Variants in TANC2 observed in about 807,000 individuals in gnomAD.
TANC2 encodes the protein protein TANC2.
TANC2 carries 26 observed loss-of-function variants against 210.5 expected under a neutral mutation model. That is an observed-to-expected ratio of 0.12 (90% CI 0.09 to 0.17). The LOEUF (loss-of-function observed/expected upper bound fraction) is 0.17, where lower values mean the gene tolerates loss of function less well. Among genes scored for constraint, TANC2 ranks in the 10% least tolerant of loss-of-function variants. The probability of loss-of-function intolerance (pLI) is 1.00; values close to 1 mark genes in which losing one functional copy is unlikely to be tolerated. For synonymous variants in TANC2, 931 were observed against 967.1 expected (o/e 0.96, Z 0.69); for missense variants, 2,129 against 2,608.9 (o/e 0.82, Z 4.01).
At chr17:63,236,416 G>T (rs2042621689) in intron 7 of TANC2, among the ~76,000 whole-genome samples, 1 of 152,030 alleles carries the variant, frequency 6.6e-6, no homozygotes. Context: ...TAAAAATAAT[G>T]TTACTAAATA....
At chr17:63,344,755 C>G (rs1271132078) in intron 12 of TANC2, among the ~76,000 whole-genome samples, 2 of 152,186 alleles carry the variant, frequency 1.3e-5, no homozygotes, top group African/African-American at 4.8e-5. Flanking sequence ...GCTACAAATT[C>G]TTTGACATTA....
At chr17:63,000,761 A>T (rs970058818) in intron 1 of TANC2, among the ~76,000 whole-genome samples, 3 of 152,124 alleles carry the variant, frequency 2.0e-5, no homozygotes, top group Middle Eastern at 3.2e-3. Context: ...TAAAATTTAG[A>T]TTTACATTAG....
intron 7 of TANC2, among the ~76,000 whole-genome samples, chr17:63,222,738 CACACACACACAT>C (rs1267973007): frequency 6.6e-6 from 1 of 152,002 alleles, no homozygotes; most frequent in Non-Finnish European, 1.5e-5. Context: ...CACACACACA[CACACACACACAT>C]ACACACTAGC....
At chr17:63,054,647 C>T (rs1034122103) in intron 2 of TANC2, among the ~76,000 whole-genome samples, 2 of 151,806 alleles carry the variant, frequency 1.3e-5, no homozygotes, top group African/African-American at 2.4e-5. Flanking sequence ...TCCCAAAGTG[C>T]TGGGATTACA....
At chr17:62,969,711 G>GTA (rs772853229) in intron 1 of TANC2, among the ~76,000 whole-genome samples, 6 of 136,964 alleles carry the variant, frequency 4.4e-5, no homozygotes, top group African/African-American at 1.7e-4. Flanking sequence ...GTGTGTGTGT[G>GTA]TATATAAATA....
intron 5 of TANC2, among the ~76,000 whole-genome samples, chr17:63,183,996 G>A (rs1483030762): frequency 6.6e-6 from 1 of 150,428 alleles, no homozygotes; most frequent in Non-Finnish European, 1.5e-5. Flanking sequence ...CAACCTGGGC[G>A]ACAGCGAGAC....
intron 5 of TANC2, among the ~76,000 whole-genome samples, chr17:63,169,878 T>C (rs1428380415): frequency 6.6e-6 from 1 of 151,990 alleles, no homozygotes; most frequent in African/African-American, 2.4e-5. Context: ...ACGCCTGTAA[T>C]CCCAGCACTT....
chr17:63,048,651 C>T (rs139939731), intron 2 of TANC2, among the ~76,000 whole-genome samples: 21 of 152,144 alleles, frequency 1.4e-4, no homozygotes, highest in Middle Eastern at 3.4e-3. Context: ...TATTTTGCTC[C>T]GTTGGAGCTG....
At chr17:63,242,928 C>G (rs1475170812) in intron 8 of TANC2, among the ~76,000 whole-genome samples, 1 of 152,062 alleles carries the variant, frequency 6.6e-6, no homozygotes, top group Non-Finnish European at 1.5e-5. Context: ...CTAGAAAATG[C>G]AAACTAATCT....
chr17:63,177,179 C>T (rs1446969525), intron 5 of TANC2, among the ~76,000 whole-genome samples: 4 of 147,418 alleles, frequency 2.7e-5, no homozygotes, highest in Admixed American at 1.4e-4. Flanking sequence ...GTGGGAGAAT[C>T]GCTAGAACCC....
chr17:63,314,483 G>T (rs2045248524), exon 10 of TANC2: 1 of 1,613,798 alleles, frequency 6.2e-7, no homozygotes, highest in African/African-American at 1.3e-5. Context: ...TGTTGGCCGA[G>T]ATTGGGTTTT....
chr17:63,177,416 TAGTG>T (rs1370969432), intron 5 of TANC2, among the ~76,000 whole-genome samples: 15 of 149,954 alleles, frequency 1.0e-4, no homozygotes, highest in Admixed American at 5.4e-4. Flanking sequence ...AACTAGATGG[TAGTG>T]AGTGAGTAGG....
At chr17:62,987,418 G>C (rs1463474680) in intron 1 of TANC2, among the ~76,000 whole-genome samples, 1 of 152,150 alleles carries the variant, frequency 6.6e-6, no homozygotes, top group South Asian at 2.1e-4. Flanking sequence ...AGCGTGAATG[G>C]GGGTTAGGGA....
chr17:63,014,602 T>C (rs2034021811), intron 2 of TANC2, among the ~76,000 whole-genome samples: 1 of 152,200 alleles, frequency 6.6e-6, no homozygotes, highest in Non-Finnish European at 1.5e-5. Context: ...TGGCCACTAA[T>C]GTCTTTGCTT....
chr17:63,050,929 C>T (rs1047162907), intron 2 of TANC2, among the ~76,000 whole-genome samples: 1 of 152,176 alleles, frequency 6.6e-6, no homozygotes, highest in African/African-American at 2.4e-5. Flanking sequence ...TTTCACAAGC[C>T]TACCCTTTTC....
chr17:63,391,073 T>C (rs888548901), intron 17 of TANC2: 5 of 152,162 alleles, frequency 3.3e-5, no homozygotes, highest in African/African-American at 1.2e-4. Flanking sequence ...TCCTCTACAC[T>C]CTTAACCCAC....
chr17:63,220,766 G>GTGTATATATACATGTATGTGTATATA (rs2042160266), intron 7 of TANC2, among the ~76,000 whole-genome samples: 5 of 144,244 alleles, frequency 3.5e-5, no homozygotes, highest in East Asian at 4.0e-4. Context: ...ATACGTGTAT[G>GTGTATATATACATGTATGTGTATATA]TGTATATATA....
chr17:63,130,587 G>C (rs1338779075), intron 4 of TANC2, among the ~76,000 whole-genome samples: 1 of 151,848 alleles, frequency 6.6e-6, no homozygotes, highest in Non-Finnish European at 1.5e-5. Context: ...TTCCTGATAG[G>C]AGTTAGTGTT....
chr17:63,082,395 AG>A (rs1443270963), intron 3 of TANC2, among the ~76,000 whole-genome samples: 2 of 152,222 alleles, frequency 1.3e-5, no homozygotes, highest in African/African-American at 4.8e-5. Context: ...TTTCATATGA[AG>A]AGCAGTTGGT....
Sources: allele counts gnomAD v4.1 joint callset (sites outside exome capture counted in the v4.1 genomes callset), GRCh38; gene constraint gnomAD v4.1.1; transcripts MANE v1.5; gene names NCBI Gene and HGNC (gene_info 2026-07-23, HGNC 2026-07-21).